PTH2R: variants seen among roughly 807,000 people sequenced by gnomAD.
PTH2R encodes the protein parathyroid hormone 2 receptor, also known as PTH2 receptor.
In PTH2R, 59 loss-of-function variants were observed where a neutral mutation model predicts 60.3. The observed-to-expected ratio is 0.98, with a 90% CI of 0.79 to 1.22. The LOEUF (loss-of-function observed/expected upper bound fraction) is 1.22, where lower values mean the gene tolerates loss of function less well. PTH2R is among the 50% of genes most tolerant of loss of function. PTH2R has a pLI of 0.00. For missense variants in PTH2R, 749 were observed against 682.6 expected (o/e 1.10, Z -1.08); for synonymous variants, 256 against 243.8 (o/e 1.05, Z -0.47).
At chr2:208,486,781 G>A (rs1047702823) in intron 10 of PTH2R, among the ~76,000 whole-genome samples, 14 of 152,158 alleles carry the variant, frequency 9.2e-5, no homozygotes, top group African/African-American at 3.1e-4. Flanking sequence ...GAGCCCTGAC[G>A]GTTGAAAGGA....
intron 1 of PTH2R, among the ~76,000 whole-genome samples, chr2:208,400,357 C>T (rs918728588): frequency 6.6e-6 from 1 of 152,052 alleles, no homozygotes; most frequent in African/African-American, 2.4e-5. Context: ...AAATATCTTC[C>T]CAGTCATTAA....
At chr2:208,431,868 A>G (rs138969617) in intron 2 of PTH2R, among the ~76,000 whole-genome samples, 24 of 152,338 alleles carry the variant, frequency 1.6e-4, no homozygotes, top group African/African-American at 5.8e-4. Context: ...TGCTGCTCCT[A>G]TATTTCTGGC....
In PTH2R at chr2:208,443,367, A is replaced by G. The variant is rs761837166; in HGVS notation, c.529A>G (p.Asn177Asp). The change falls in exon 6 of 13, where the codon AAC becomes GAC. Residue 177 changes from asparagine (N) to aspartate (D), a missense_variant. Physicochemically the swap from Asn to Asp is conservative, Grantham distance 23 (BLOSUM62 1). Transcript: ENST00000272847. ...CCGTAGACGATTGCATTGCACTAGG[A>G]ACTATATCCACATGCACTTATTTGT... ...GYFRRLHCTR[N>D]YIHMHLFVSF... 2.5e-5 allele frequency: 40 copies of G among 1,594,016 alleles called. No individual in the cohort carries two copies. In the East Asian group the frequency reaches 8.8e-4, roughly 35 times the overall value.
In PTH2R at chr2:208,459,812, T is replaced by G. The variant is rs1197842463; in HGVS notation, c.915-83T>G. Reference sequence around the variant, plus strand: ...TTAATTGGAAGTGTGGGGTTGGAGTTTTTGGTAAAACTTAAAATTCTACTT... The same window carrying G: ...TTAATTGGAAGTGTGGGGTTGGAGTGTTTGGTAAAACTTAAAATTCTACTT... On this transcript the variant is annotated intron_variant, in intron 8 of 12. Transcript: ENST00000272847. The G allele has an allele frequency of 6.0e-6, 7 of 1,173,330 alleles. No individual in the cohort carries two copies. In the East Asian group the frequency reaches 1.7e-4, roughly 28 times the overall value. 72.7% of individuals were successfully genotyped at this position (1,173,330 alleles called of 1,614,324 possible).
chr2:208,487,077 T>C (rs995389410), intron 10 of PTH2R, among the ~76,000 whole-genome samples: 2 of 152,214 alleles, frequency 1.3e-5, no homozygotes, highest in African/African-American at 2.4e-5. Context: ...CATTTCAATA[T>C]GATTTCAACA....
intron 1 of PTH2R, among the ~76,000 whole-genome samples, chr2:208,426,373 C>T (rs1359516548): frequency 1.3e-5 from 2 of 152,202 alleles, no homozygotes; most frequent in African/African-American, 2.4e-5. Flanking sequence ...AAAATGTAAA[C>T]TGCTCTTCTG....
chr2:208,430,857 G>T (rs1396096452), intron 2 of PTH2R, among the ~76,000 whole-genome samples: 2 of 152,074 alleles, frequency 1.3e-5, no homozygotes, highest in African/African-American at 4.8e-5. Context: ...GAGCCAGCAT[G>T]CCCGGCCTCT....
At chr2:208,412,127 C>A (rs933600353) in intron 1 of PTH2R, among the ~76,000 whole-genome samples, 1 of 152,180 alleles carries the variant, frequency 6.6e-6, no homozygotes, top group African/African-American at 2.4e-5. Flanking sequence ...AGCAATTGGA[C>A]ATTTTCTTCA....
At chr2:208,377,933 C>T (rs1315444407) in intron 1 of PTH2R, among the ~76,000 whole-genome samples, 4 of 151,206 alleles carry the variant, frequency 2.6e-5, no homozygotes, top group Non-Finnish European at 4.4e-5. Flanking sequence ...AGACGATGGG[C>T]GGCCAGGCAG....
intron 1 of PTH2R, among the ~76,000 whole-genome samples, chr2:208,418,840 C>T (rs191186343): frequency 1.3e-3 from 201 of 152,220 alleles, no homozygotes; most frequent in African/African-American, 4.7e-3. Flanking sequence ...ATAGAGTTTT[C>T]TCACTCTTTT....
intron 2 of PTH2R, among the ~76,000 whole-genome samples, chr2:208,430,739 A>G (rs1463564377): frequency 6.6e-6 from 1 of 151,132 alleles, no homozygotes; most frequent in African/African-American, 2.4e-5. Context: ...TGTTTTTTGT[A>G]TTTTTTTAGT....
intron 10 of PTH2R, among the ~76,000 whole-genome samples, chr2:208,482,282 C>T (rs149457032): frequency 0.015 from 2,302 of 152,204 alleles, 54 homozygotes; most frequent in African/African-American, 0.049. Context: ...CCAGGCGGAT[C>T]GGCAGGTTGA....
At chr2:208,477,611 A>G (rs1458436985) in intron 9 of PTH2R, among the ~76,000 whole-genome samples, 3 of 152,176 alleles carry the variant, frequency 2.0e-5, no homozygotes, top group African/African-American at 7.2e-5. Context: ...TGGAATTAAA[A>G]AAATGAATCT....
chr2:208,431,341 T>C (rs1332840352), intron 2 of PTH2R, among the ~76,000 whole-genome samples: 1 of 152,228 alleles, frequency 6.6e-6, no homozygotes, highest in Admixed American at 6.5e-5. Flanking sequence ...ATATGCTGCA[T>C]ATGATAATTG....
intron 1 of PTH2R, among the ~76,000 whole-genome samples, chr2:208,371,078 C>A (rs1179354221): frequency 6.6e-6 from 1 of 152,018 alleles, no homozygotes. Flanking sequence ...TGGCACTAAG[C>A]CATTCATGAG....
intron 1 of PTH2R, among the ~76,000 whole-genome samples, chr2:208,380,829 C>T (rs1006413601): frequency 3.3e-5 from 5 of 152,082 alleles, no homozygotes; most frequent in African/African-American, 4.8e-5. Flanking sequence ...GCCACCACTC[C>T]AGTACTGACT....
At chr2:208,459,470 A>G (rs917834075) in intron 8 of PTH2R, among the ~76,000 whole-genome samples, 2 of 152,172 alleles carry the variant, frequency 1.3e-5, no homozygotes, top group Admixed American at 1.3e-4. Context: ...TAAGGATTCT[A>G]CAATTTTTGA....
In PTH2R at chr2:208,465,272, A is replaced by G. The variant is rs557788704; in HGVS notation, c.981+5311A>G. Among the ~76,000 whole-genome samples, 110 of 151,552 alleles carry G rather than the reference A, an allele frequency of 7.3e-4. 1 individual carries two copies. Among genetic ancestry groups the G allele is most frequent in the Middle Eastern group, 3.4e-3 (1 of 290 alleles). ...ATTACAGGTGGGAGCCACCATGCCCAGCCATATGAAGCCATTCTAACAGGT... is the reference window on the plus strand; with the variant it reads ...ATTACAGGTGGGAGCCACCATGCCCGGCCATATGAAGCCATTCTAACAGGT... On this transcript the variant is annotated intron_variant, in intron 9 of 12. Coordinates refer to ENST00000272847, the MANE Select transcript of PTH2R (RefSeq NM_005048.4).
intron 2 of PTH2R, among the ~76,000 whole-genome samples, chr2:208,428,842 T>C (rs1226227319): frequency 3.3e-5 from 5 of 152,188 alleles, no homozygotes; most frequent in African/African-American, 4.8e-5. Flanking sequence ...CCCAGCACTT[T>C]GGGAGGCCGA....
Sources: allele counts gnomAD v4.1 joint callset (sites outside exome capture counted in the v4.1 genomes callset), GRCh38; gene constraint gnomAD v4.1.1; transcripts MANE v1.5; gene names NCBI Gene and HGNC (gene_info 2026-07-23, HGNC 2026-07-21).